IL18BP: variants seen among roughly 807,000 people sequenced by gnomAD.
IL18BP encodes the protein interleukin 18 binding protein.
A neutral mutation model predicts 19.9 loss-of-function variants in IL18BP; 23 were observed. The ratio of observed to expected loss-of-function variants is 1.15; its 90% CI spans 0.83 to 1.64. The LOEUF is 1.64. IL18BP is among the 40% of genes most tolerant of loss of function. The pLI, the probability that IL18BP is intolerant of heterozygous loss-of-function variation, is 0.00. For synonymous variants in IL18BP, 107 were observed against 101.0 expected (o/e 1.06, Z -0.35); for missense variants, 239 against 240.7 (o/e 0.99, Z 0.05).
At position 72,000,368 on chromosome 11, in the gene IL18BP, G is replaced by A. The variant is rs1437825463; in HGVS notation, c.46G>A (p.Val16Ile). 1.2e-6 allele frequency: 2 copies of A among 1,613,882 alleles called. No individual in the cohort carries two copies. Among genetic ancestry groups the A allele is most frequent in the Admixed American group, 1.7e-5 (1 of 60,026 alleles). Residue 16 changes from valine to isoleucine, a missense_variant, in exon 3 of 6, where the codon GTC becomes ATC. Coordinates refer to ENST00000393703, the MANE Select transcript of IL18BP (RefSeq NM_001039660.2). ...TTCCTCAGACCTCAGCCCTTTGTGG[G>A]TCCTGCTCCTGTGTGCCCACGTCGT... ...NWTPDLSPLW[V>I]LLLCAHVVTL...
chr11:72,008,050 A>C (rs1590869220), downstream of IL18BP: 1 of 464,450 alleles, frequency 2.2e-6, no homozygotes, highest in South Asian at 1.6e-5. Context: ...CTGCCCCTCT[A>C]TGCCCCAGAT....
chr11:72,003,675 G>T, downstream of IL18BP: 1 of 1,200,150 alleles, frequency 8.3e-7, no homozygotes. Flanking sequence ...ATCAGTTGCT[G>T]GCTGTGCCTG....
At chr11:72,005,129 G>A (rs999007311), downstream of IL18BP, 166 of 1,301,510 alleles carry the variant, frequency 1.3e-4, no homozygotes, top group East Asian at 3.9e-3. Flanking sequence ...CCCCCTCCTC[G>A]GCCAGTCAGT....
chr11:72,006,308 T>C (rs1349292687), downstream of IL18BP: 5 of 1,544,060 alleles, frequency 3.2e-6, no homozygotes, highest in Non-Finnish European at 4.5e-6. Context: ...TCCCTGGCAC[T>C]GTACAGAAGC....
intron 3 of IL18BP, among the ~76,000 whole-genome samples, chr11:72,000,989 G>T (rs1430945378): frequency 6.6e-6 from 1 of 152,218 alleles, no homozygotes; most frequent in East Asian, 1.9e-4. Context: ...GTGAACCAAG[G>T]ACCATTCCTC....
downstream of IL18BP, chr11:72,004,668 T>A: frequency 6.2e-7 from 1 of 1,613,024 alleles, no homozygotes; most frequent in Non-Finnish European, 8.5e-7. Flanking sequence ...CTGGTGGGGC[T>A]CTAGGGAGAC....
chr11:72,006,248 C>T, downstream of IL18BP: 1 of 1,614,154 alleles, frequency 6.2e-7, no homozygotes, highest in Non-Finnish European at 8.5e-7. Context: ...CTGTCTGGCT[C>T]TTCCACATCT....
Position 72,002,150 on chromosome 11 carries a change from AAG to A in IL18BP, c.*291_*292del, listed in dbSNP as rs1955290305. ...ACTGCTCTACTGCTCAGAAACCACC[AAG>A]ACTGTTGATGCCTTAGCCTTGCACT... is the stretch of plus-strand genomic sequence containing the variant. On this transcript the variant is annotated 3_prime_UTR_variant, in exon 6 of 6. Coordinates refer to ENST00000393703, the MANE Select transcript of IL18BP (RefSeq NM_001039660.2). 1 of 488,018 alleles carries A rather than the reference AAG, an allele frequency of 2.0e-6. No individual in the cohort carries two copies. The allele number at this position is 488,018 out of a possible 1,614,324, so 30.2% of individuals were successfully genotyped here. A position where few individuals can be genotyped will look rare whatever the true frequency, so the allele number is the denominator to read the frequency against.
downstream of IL18BP, chr11:72,006,396 T>C: frequency 1.4e-6 from 1 of 699,212 alleles, no homozygotes; most frequent in Middle Eastern, 3.4e-4. Flanking sequence ...GTCCTTAAAG[T>C]GTGTGTCTGC....
At chr11:72,005,463 C>G (rs1237816003), downstream of IL18BP, 11 of 1,253,302 alleles carry the variant, frequency 8.8e-6, no homozygotes, top group Non-Finnish European at 1.2e-5. Flanking sequence ...GCCACCTACC[C>G]CATAAACTTG....
chr11:72,006,964 A>C (rs1955763994), downstream of IL18BP, among the ~76,000 whole-genome samples: 1 of 152,164 alleles, frequency 6.6e-6, no homozygotes. Flanking sequence ...GCATGGAGAG[A>C]ATGCTAGCCT....
At chr11:72,005,584 G>A, downstream of IL18BP, 3 of 555,752 alleles carry the variant, frequency 5.4e-6, no homozygotes. Context: ...GGGCAGAAGA[G>A]GTCACACGCA....
chr11:71,998,933 G>A lies in IL18BP; in HGVS notation c.-145G>A, dbSNP rs1053448101. 3.2e-5 allele frequency: 6 copies of A among 189,444 alleles called. No individual in the cohort carries two copies. The highest frequency in any genetic ancestry group is 6.0e-5 in the Admixed American group (1 of 16,728). 11.7% of individuals were successfully genotyped at this position (189,444 alleles called of 1,614,324 possible). A position where few individuals can be genotyped will look rare whatever the true frequency, so the allele number is the denominator to read the frequency against. On this transcript the variant is annotated 5_prime_UTR_variant, in exon 1 of 6. Transcript: ENST00000393703. ...TGTATTTCCTGTGGTGGGTTCACACGCAGCTAGACACAGCTAACTTGAGTC... is the reference window on the plus strand; with the variant it reads ...TGTATTTCCTGTGGTGGGTTCACACACAGCTAGACACAGCTAACTTGAGTC...
chr11:72,004,962 T>C (rs574868775), downstream of IL18BP: 12 of 873,570 alleles, frequency 1.4e-5, no homozygotes, highest in South Asian at 2.2e-4. Context: ...AAGGCCTCCT[T>C]TCCTGTTCTG....
At chr11:72,007,929 G>C (rs1275124694), downstream of IL18BP, 3 of 369,690 alleles carry the variant, frequency 8.1e-6, no homozygotes, top group East Asian at 1.3e-4. Flanking sequence ...CTCTCACCTA[G>C]ACTCATCATG....
intron 1 of IL18BP, chr11:71,999,725 A>T (rs1486032461): frequency 5.9e-6 from 3 of 509,504 alleles, no homozygotes; most frequent in Non-Finnish European, 1.1e-5. Flanking sequence ...GTAAGATTGG[A>T]CTAGGTAAGC....
At chr11:72,006,068 AACG>A (rs1490867400), downstream of IL18BP, 2 of 1,613,558 alleles carry the variant, frequency 1.2e-6, no homozygotes, top group Non-Finnish European at 1.7e-6. Flanking sequence ...CCGGCCTGGG[AACG>A]ACGAGCAGAA....
Position 72,001,827 on chromosome 11 carries a change from C to T in IL18BP, c.551C>T (p.Pro184Leu), listed in dbSNP as rs760390337. 69 of 1,613,962 alleles carry T rather than the reference C, an allele frequency of 4.3e-5. 2 individuals are homozygous for T. In the South Asian group the frequency reaches 5.5e-4, roughly 13 times the overall value. The change falls in exon 6 of 6, where the codon CCC (proline) becomes CTC (leucine). Residue 184 changes from proline (P) to leucine (L), a missense_variant. By Grantham distance (98) the Pro-to-Leu change is moderately conservative. Coordinates refer to ENST00000393703, the MANE Select transcript of IL18BP (RefSeq NM_001039660.2). ...TTGCCCCCCACCCAAGAAGCCCTGC[C>T]CTCCAGCCACAGCAGTCCACAGCAG... The part of the protein sequence containing the change: ...ATLPPTQEAL[P>L]SSHSSPQQQG
At chr11:72,006,216 G>A, downstream of IL18BP, 1 of 1,614,164 alleles carries the variant, frequency 6.2e-7, no homozygotes, top group South Asian at 1.1e-5. Flanking sequence ...CAGACCGCGT[G>A]CTGTAGAACG....
Sources: allele counts gnomAD v4.1 joint callset (sites outside exome capture counted in the v4.1 genomes callset), GRCh38; gene constraint gnomAD v4.1.1; transcripts MANE v1.5; gene names NCBI Gene and HGNC (gene_info 2026-07-23, HGNC 2026-07-21).